Variants in CHST9 observed in about 807,000 individuals in gnomAD.
The protein encoded by CHST9 is carbohydrate sulfotransferase 9, also known as GalNAc-4-sulfotransferase 2.
A neutral mutation model predicts 44.4 loss-of-function variants in CHST9; 41 were observed. That is an observed-to-expected ratio of 0.92 (90% CI 0.72 to 1.20). The LOEUF (loss-of-function observed/expected upper bound fraction) is 1.20. Among genes scored for constraint, CHST9 ranks in the 50% most tolerant of loss-of-function variants. The pLI, the probability that CHST9 is intolerant of heterozygous loss-of-function variation, is 0.00. For missense variants in CHST9, 504 were observed against 516.5 expected (o/e 0.98, Z 0.23); for synonymous variants, 171 against 178.4 (o/e 0.96, Z 0.33).
Position 26,915,930 on chromosome 18 carries a change from A to G in CHST9, c.*329T>C, listed in dbSNP as rs1436466618. The G allele has an allele frequency of 9.7e-6, 2 of 206,454 alleles. No individual in the cohort carries two copies. Among genetic ancestry groups the G allele is most frequent in the Admixed American group, 5.3e-5 (1 of 19,030 alleles). The allele number at this position is 206,454 out of a possible 1,614,324, so 12.8% of individuals were successfully genotyped here. On this transcript the variant is annotated 3_prime_UTR_variant, in exon 6 of 6. Transcript: ENST00000618847. ...CAGGATATAGACATACACTCATGCTATTTGAGATCCTTTTTTCCTACCATT... is the reference window on the plus strand; with the variant it reads ...CAGGATATAGACATACACTCATGCTGTTTGAGATCCTTTTTTCCTACCATT...
intron 2 of CHST9, among the ~76,000 whole-genome samples, chr18:27,131,374 AC>A (rs35966013): frequency 0.015 from 2,322 of 151,218 alleles, 61 homozygotes; most frequent in African/African-American, 0.053. Flanking sequence ...ACATGGTGAA[AC>A]CCCATCTCTA....
chr18:27,064,602 A>G (rs2057761280), intron 2 of CHST9, among the ~76,000 whole-genome samples: 1 of 152,244 alleles, frequency 6.6e-6, no homozygotes, highest in South Asian at 2.1e-4. Context: ...CCATTTAAAA[A>G]CATTTGACAG....
intron 4 of CHST9, among the ~76,000 whole-genome samples, chr18:26,975,725 G>GTA (rs59671204): frequency 0.035 from 3,536 of 101,116 alleles, 65 homozygotes; most frequent in South Asian, 0.054. Flanking sequence ...GTGTGTGTGT[G>GTA]TATATATATA....
At chr18:27,151,739 T>C (rs1271805123) in intron 1 of CHST9, among the ~76,000 whole-genome samples, 1 of 152,100 alleles carries the variant, frequency 6.6e-6, no homozygotes, top group Admixed American at 6.6e-5. Context: ...GGAATGTAGG[T>C]GGCCTCTAGC....
chr18:27,006,838 T>G (rs933392102), intron 4 of CHST9, among the ~76,000 whole-genome samples: 43 of 152,198 alleles, frequency 2.8e-4, no homozygotes, highest in African/African-American at 1.0e-3. Flanking sequence ...ACAGCCTTGG[T>G]GCAGGTAAAC....
chr18:27,014,755 A>C (rs1053090767), intron 4 of CHST9, among the ~76,000 whole-genome samples: 2 of 151,958 alleles, frequency 1.3e-5, no homozygotes, highest in Admixed American at 6.5e-5. Context: ...GAAAAGGGGG[A>C]ATTTTTCTGG....
chr18:27,153,234 G>T (rs941498634), intron 1 of CHST9, among the ~76,000 whole-genome samples: 1 of 152,090 alleles, frequency 6.6e-6, no homozygotes, highest in African/African-American at 2.4e-5. Flanking sequence ...TAGTTGGTTC[G>T]GGAATGACCA....
chr18:27,074,185 C>T (rs748812487), intron 2 of CHST9, among the ~76,000 whole-genome samples: 6 of 152,156 alleles, frequency 3.9e-5, no homozygotes, highest in Non-Finnish European at 5.9e-5. Context: ...AGTTACAAAG[C>T]GTGGAAGCAA....
intron 3 of CHST9, among the ~76,000 whole-genome samples, chr18:27,045,881 C>T (rs1351424069): frequency 6.6e-6 from 1 of 152,030 alleles, no homozygotes; most frequent in African/African-American, 2.4e-5. Flanking sequence ...AGTTTTATTC[C>T]ATAGTCCTGG....
intron 2 of CHST9, among the ~76,000 whole-genome samples, chr18:27,100,267 G>A (rs1350685700): frequency 2.0e-5 from 3 of 152,088 alleles, no homozygotes; most frequent in Non-Finnish European, 4.4e-5. Context: ...GAGTGAGGAG[G>A]GAGGATGGAG....
intron 2 of CHST9, among the ~76,000 whole-genome samples, chr18:27,058,527 C>T (rs2057684702): frequency 6.6e-6 from 1 of 152,150 alleles, no homozygotes; most frequent in Non-Finnish European, 1.5e-5. Flanking sequence ...CAGGCAGCTT[C>T]TACTTTCCAT....
chr18:26,970,817 C>G (rs2056532792), intron 4 of CHST9, among the ~76,000 whole-genome samples: 1 of 152,188 alleles, frequency 6.6e-6, no homozygotes, highest in Non-Finnish European at 1.5e-5. Flanking sequence ...GTGGAGCCAG[C>G]ACATAGACAT....
intron 2 of CHST9, among the ~76,000 whole-genome samples, chr18:27,128,790 A>G (rs2058447170): frequency 6.6e-6 from 1 of 152,220 alleles, no homozygotes; most frequent in African/African-American, 2.4e-5. Flanking sequence ...ATTCTTGGAA[A>G]CTGGCAAAAT....
At chr18:27,170,138 T>C (rs2058823386) in intron 1 of CHST9, among the ~76,000 whole-genome samples, 2 of 152,204 alleles carry the variant, frequency 1.3e-5, no homozygotes, top group African/African-American at 4.8e-5. Flanking sequence ...GAGACAATGC[T>C]AAATTCCCTT....
At chr18:27,124,732 C>G (rs9960062) in intron 2 of CHST9, among the ~76,000 whole-genome samples, 1 of 151,936 alleles carries the variant, frequency 6.6e-6, no homozygotes, top group Admixed American at 6.6e-5. Flanking sequence ...GAGTCTCTAC[C>G]TAATTTTCTG....
chr18:27,165,132 T>TGTG (rs1161982487), intron 1 of CHST9, among the ~76,000 whole-genome samples: 1 of 152,148 alleles, frequency 6.6e-6, no homozygotes, highest in African/African-American at 2.4e-5. Context: ...AAACAGATGC[T>TGTG]TGGGAGACTG....
Position 26,938,291 on chromosome 18 carries a change from T to C in CHST9, c.240+6038A>G, listed in dbSNP as rs139339505. Among the ~76,000 whole-genome samples the C allele has an allele frequency of 4.3e-3, 651 of 152,316 alleles. 4 individuals are homozygous for C. Among genetic ancestry groups the C allele is most frequent in the African/African-American group, 0.015 (623 of 41,582 alleles). On this transcript the variant is annotated intron_variant, in intron 5 of 5. Transcript: ENST00000618847. ...AGCCATCTGACCTTTAAAAAAGACA[T>C]CTTTTATAAATTCTTCTTTGTTAAC...
chr18:27,084,492 A>AATG (rs1399673553), intron 2 of CHST9, among the ~76,000 whole-genome samples: 2 of 148,776 alleles, frequency 1.3e-5, no homozygotes, highest in Non-Finnish European at 3.0e-5. Flanking sequence ...GGTTGCTGGT[A>AATG]ATGCCCCCTT....
chr18:27,015,964 C>T (rs981629966), intron 4 of CHST9, among the ~76,000 whole-genome samples: 12 of 152,180 alleles, frequency 7.9e-5, no homozygotes, highest in Admixed American at 1.3e-4. Flanking sequence ...TGCACATGTA[C>T]CTGATGTGGA....
Sources: gnomAD v4.1 joint callset for allele counts (sites outside exome capture counted in the v4.1 genomes callset) on GRCh38, gnomAD v4.1.1 for gene constraint, MANE v1.5 for transcripts, NCBI Gene and HGNC (gene_info 2026-07-23, HGNC 2026-07-21) for gene names.